Variants in SUCLG2 observed in about 807,000 individuals in gnomAD.
The protein encoded by SUCLG2 is succinate--CoA ligase [GDP-forming] subunit beta, mitochondrial.
In SUCLG2, 42 loss-of-function variants were observed where a neutral mutation model predicts 47.9. The observed-to-expected ratio is 0.88, with a 90% confidence interval of 0.69 to 1.14. SUCLG2 has a LOEUF of 1.14. Among genes scored for constraint, SUCLG2 ranks in the 50% most tolerant of loss-of-function variants. The probability of loss-of-function intolerance (pLI) is 0.00; values close to 1 mark genes in which losing one functional copy is unlikely to be tolerated. For missense variants in SUCLG2, 571 were observed against 525.9 expected, an observed-to-expected ratio of 1.09 and a Z score of -0.84; for synonymous variants, 195 against 197.3, an observed-to-expected ratio of 0.99 and a Z score of 0.10.
chr3:67,636,402 G>A (rs1701011097), intron 1 of SUCLG2, among the ~76,000 whole-genome samples: 1 of 151,100 alleles, frequency 6.6e-6, no homozygotes, highest in Admixed American at 6.6e-5. Flanking sequence ...ACCCAGACTG[G>A]AGTGCAGTGG....
chr3:67,599,401 T>C (rs895457645), intron 2 of SUCLG2, among the ~76,000 whole-genome samples: 9 of 152,198 alleles, frequency 5.9e-5, no homozygotes, highest in Non-Finnish European at 1.2e-4. Flanking sequence ...GCTGACTGTG[T>C]ATGCCACAGT....
At chr3:67,640,147 T>C (rs777462271) in intron 1 of SUCLG2, among the ~76,000 whole-genome samples, 2 of 152,178 alleles carry the variant, frequency 1.3e-5, no homozygotes, top group Admixed American at 6.5e-5. Flanking sequence ...AATCCTAAGG[T>C]TCCAAAGACA....
At chr3:67,598,059 C>A (rs1708335177) in intron 2 of SUCLG2, among the ~76,000 whole-genome samples, 3 of 152,016 alleles carry the variant, frequency 2.0e-5, no homozygotes, top group Admixed American at 6.5e-5. Context: ...CAGCTCACTG[C>A]AACCTCTGCC....
At chr3:67,515,146 C>T (rs1217735288) in intron 6 of SUCLG2, among the ~76,000 whole-genome samples, 1 of 152,192 alleles carries the variant, frequency 6.6e-6, no homozygotes, top group Admixed American at 6.5e-5. Context: ...AGACCATATT[C>T]ACATCACTTT....
chr3:67,371,929 G>T (rs1403795259), downstream of SUCLG2, among the ~76,000 whole-genome samples: 4 of 152,172 alleles, frequency 2.6e-5, no homozygotes, highest in Non-Finnish European at 5.9e-5. Context: ...TCATAGAGTT[G>T]CTAAAGAGGA....
chr3:67,429,501 A>G (rs532635369), intron 9 of SUCLG2, among the ~76,000 whole-genome samples: 56 of 152,348 alleles, frequency 3.7e-4, no homozygotes, highest in African/African-American at 1.3e-3. Flanking sequence ...AAACGTGCCA[A>G]GTTGTAAAGA....
intron 2 of SUCLG2, among the ~76,000 whole-genome samples, chr3:67,592,817 C>G (rs1160870369): frequency 2.0e-5 from 3 of 151,326 alleles, no homozygotes; most frequent in Non-Finnish European, 4.4e-5. Context: ...TTCTACCACA[C>G]CAGGTACACT....
At chr3:67,482,182 A>AGAAGGAAGGAAG (rs146705714) in intron 9 of SUCLG2, among the ~76,000 whole-genome samples, 13 of 151,772 alleles carry the variant, frequency 8.6e-5, no homozygotes, top group African/African-American at 2.7e-4. Flanking sequence ...TATCTCAATA[A>AGAAGGAAGGAAG]GAAGGAAGGA....
chr3:67,480,424 A>G (rs922007742), intron 9 of SUCLG2, among the ~76,000 whole-genome samples: 3 of 152,238 alleles, frequency 2.0e-5, no homozygotes, highest in Non-Finnish European at 4.4e-5. Context: ...AAGAATCTGC[A>G]TTTCTCACAG....
intron 2 of SUCLG2, among the ~76,000 whole-genome samples, chr3:67,553,910 A>G (rs928255028): frequency 1.3e-5 from 2 of 152,216 alleles, no homozygotes; most frequent in African/African-American, 4.8e-5. Context: ...AAATGTACGC[A>G]GATTACTAAT....
chr3:67,465,041 T>A (rs1220609848), intron 9 of SUCLG2, among the ~76,000 whole-genome samples: 1 of 152,168 alleles, frequency 6.6e-6, no homozygotes, highest in Non-Finnish European at 1.5e-5. Flanking sequence ...GTCCCTGATA[T>A]AAGAAGATAG....
chr3:67,622,989 TA>T (rs1225410996), intron 1 of SUCLG2, among the ~76,000 whole-genome samples: 2 of 152,238 alleles, frequency 1.3e-5, no homozygotes, highest in Non-Finnish European at 2.9e-5. Flanking sequence ...TTCATGTTCA[TA>T]AAAATTGAGT....
intron 6 of SUCLG2, among the ~76,000 whole-genome samples, chr3:67,509,650 C>A (rs922294930): frequency 6.6e-6 from 1 of 152,100 alleles, no homozygotes; most frequent in African/African-American, 2.4e-5. Context: ...CATGAATGAG[C>A]CATGCCCCTA....
At chr3:67,480,339 T>C (rs1427840112) in intron 9 of SUCLG2, among the ~76,000 whole-genome samples, 2 of 152,222 alleles carry the variant, frequency 1.3e-5, no homozygotes, top group Non-Finnish European at 2.9e-5. Context: ...GAGAATCATC[T>C]AGAAGGCTTG....
rs1232417075 is a variant in SUCLG2, at chr3:67,469,523, T to C, written c.1062+26275A>G. 2.0e-5 allele frequency among the ~76,000 whole-genome samples: 3 copies of C among 148,146 alleles called. No homozygotes were observed. In the Admixed American group the frequency reaches 2.0e-4, roughly 10 times the overall value. On this transcript the variant is annotated intron_variant, in intron 9 of 10. Transcript: ENST00000307227. ...GGCAGGTGGATCACGAGGTCAGGAGTTCGAGACCAGCCTGGCCAACATGGT... is the reference window on the plus strand; with the variant it reads ...GGCAGGTGGATCACGAGGTCAGGAGCTCGAGACCAGCCTGGCCAACATGGT...
chr3:67,563,259 C>G, intron 2 of SUCLG2, among the ~76,000 whole-genome samples: 1 of 152,058 alleles, frequency 6.6e-6, no homozygotes, highest in South Asian at 2.1e-4. Flanking sequence ...GGGATTCTAA[C>G]TGCTGTGAAC....
intron 6 of SUCLG2, among the ~76,000 whole-genome samples, chr3:67,515,977 C>T (rs1559554610): frequency 3.3e-5 from 5 of 152,130 alleles, no homozygotes; most frequent in African/African-American, 7.2e-5. Flanking sequence ...CCACTCTCTC[C>T]TTCACATTCC....
At chr3:67,481,638 A>T (rs1468934803) in intron 9 of SUCLG2, among the ~76,000 whole-genome samples, 3 of 152,332 alleles carry the variant, frequency 2.0e-5, no homozygotes, top group African/African-American at 2.4e-5. Flanking sequence ...AATCTCAGTA[A>T]ACCTAGAGAC....
chr3:67,416,178 G>A (rs1337352990), intron 9 of SUCLG2, among the ~76,000 whole-genome samples: 2 of 152,194 alleles, frequency 1.3e-5, no homozygotes, highest in Non-Finnish European at 2.9e-5. Flanking sequence ...ACCAAAACCA[G>A]ATGTCACTTA....
Sources: gnomAD v4.1 joint callset for allele counts (sites outside exome capture counted in the v4.1 genomes callset) on GRCh38, gnomAD v4.1.1 for gene constraint, MANE v1.5 for transcripts, NCBI Gene and HGNC (gene_info 2026-07-23, HGNC 2026-07-21) for gene names.